The following GIT2 variants were observed in gnomAD, a reference collection of about 807,000 sequenced individuals.
The protein encoded by GIT2 is GIT ArfGAP 2, also known as ARF GTPase-activating protein GIT2.
A neutral mutation model predicts 100.3 loss-of-function variants in GIT2; 32 were observed. The ratio of observed to expected loss-of-function variants is 0.32; its 90% confidence interval spans 0.24 to 0.43. The LOEUF (loss-of-function observed/expected upper bound fraction) is 0.43, where lower values mean the gene tolerates loss of function less well. Among genes scored for constraint, GIT2 ranks in the 20% least tolerant of loss-of-function variants. The pLI is 1.00. For synonymous variants in GIT2, 353 were observed against 364.1 expected, an observed-to-expected ratio of 0.97 and a Z score of 0.35; for missense variants, 737 against 975.1, an observed-to-expected ratio of 0.76 and a Z score of 3.25.
At position 109,932,991 on chromosome 12, in the gene GIT2, T is replaced by C. The variant is rs1290466215; in HGVS notation, c.2267A>G (p.Glu756Gly). 6.2e-7 allele frequency: 1 copy of C among 1,606,276 alleles called. No homozygotes were observed. Among genetic ancestry groups the C allele is most frequent in the Non-Finnish European group, 8.5e-7 (1 of 1,173,270 alleles). Reference protein sequence around the residue: ...AKQLVTITTKENNN With the variant: ...AKQLVTITTKGNNN ...GCCCTGCCCTTGTCAGTTGTTGTTCTCTTTGGTGGTGATGGTAACCAGCTG... is the reference window on the plus strand; with the variant it reads ...GCCCTGCCCTTGTCAGTTGTTGTTCCCTTTGGTGGTGATGGTAACCAGCTG... The change falls in exon 20 of 20, where the codon GAG (glutamate) becomes GGG (glycine). Residue 756 changes from glutamate to glycine, a missense_variant. Around this residue, in one of 3 missense-constraint regions of GIT2, gnomAD observed 451 missense variants for 543.7 expected, o/e 0.83. Transcript: ENST00000355312.
chr12:109,932,840 A>G lies in GIT2; in HGVS notation c.*138T>C, dbSNP rs974942059. Reference sequence around the variant, plus strand: ...AATTGGTTAGAAAACATGCAAAAATAATACTGAGTTTTCTTTTAAAAAGTT... The same window carrying G: ...AATTGGTTAGAAAACATGCAAAAATGATACTGAGTTTTCTTTTAAAAAGTT... On this transcript the variant is annotated 3_prime_UTR_variant, in exon 20 of 20. Coordinates refer to ENST00000355312, the MANE Select transcript of GIT2 (RefSeq NM_057169.5). The G allele has an allele frequency of 1.6e-6, 1 of 619,860 alleles. No individual in the cohort carries two copies. The highest frequency in any genetic ancestry group is 1.8e-5 in the African/African-American group (1 of 54,452). 38.4% of individuals were successfully genotyped at this position (619,860 alleles called of 1,614,324 possible).
chr12:109,965,994 G>GT (rs752096162), intron 8 of GIT2, among the ~76,000 whole-genome samples: 3,186 of 122,386 alleles, frequency 0.026, 62 homozygotes, highest in Middle Eastern at 0.045. Flanking sequence ...GGTCAGGGTT[G>GT]TTTTTTTTTT....
intron 2 of GIT2, among the ~76,000 whole-genome samples, chr12:109,990,242 A>G (rs1295956940): frequency 6.6e-6 from 1 of 152,212 alleles, no homozygotes; most frequent in Non-Finnish European, 1.5e-5. Context: ...TAATGTAACC[A>G]TTAAAAAAAA....
Position 109,961,674 on chromosome 12 carries a change from A to G in GIT2, c.828T>C (p.His276=). 1.3e-6 allele frequency: 2 copies of G among 1,587,552 alleles called. No homozygotes were observed. The highest frequency in any genetic ancestry group is 4.5e-5 in the East Asian group (2 of 44,778). The part of the protein sequence containing the change: ...AKKKLQSLSN[H]LFEELAMDVY... ...CATCCATGGCAAGTTCTTCAAACAA[A>G]TGATTACTTAGCTGAAAATAAAAAA... The change falls in exon 10 of 20, where the codon CAT becomes CAC. Residue 276 remains histidine, a synonymous_variant. Transcript: ENST00000355312.
intron 1 of GIT2, among the ~76,000 whole-genome samples, chr12:109,993,792 C>T (rs1566028983): frequency 1.3e-5 from 2 of 151,374 alleles, no homozygotes; most frequent in African/African-American, 4.9e-5. Context: ...TACTACTGTA[C>T]TGAAAATCTC....
At chr12:109,980,867 G>A in intron 7 of GIT2, 85 bp downstream of exon 7, 1 of 803,656 alleles carries the variant, frequency 1.2e-6, no homozygotes, top group Non-Finnish European at 2.3e-6. Context: ...TACAGCAGAG[G>A]AGGTAATAAC....
chr12:109,983,354 G>A lies in GIT2; in HGVS notation c.623+19C>T, dbSNP rs933146576. On this transcript the variant is annotated intron_variant, in intron 6 of 19. Coordinates refer to ENST00000355312, the MANE Select transcript of GIT2 (RefSeq NM_057169.5). ...CAAAAAAATCCCAGAGAGAAGTAGC[G>A]AGAATCTAGGTCTCTTACCTTGCAT... is the stretch of plus-strand genomic sequence containing the variant. The A allele has an allele frequency of 3.1e-6, 5 of 1,606,666 alleles. No individual in the cohort carries two copies. In the African/African-American group the frequency reaches 4.0e-5, roughly 13 times the overall value.
intron 7 of GIT2, 58 bp from the exon 8 acceptor site, chr12:109,967,561 G>A: frequency 2.7e-6 from 3 of 1,101,652 alleles, no homozygotes; most frequent in Non-Finnish European, 4.2e-6. Context: ...GATCTGTAAA[G>A]GAACATCACC....
chr12:109,974,103 T>C (rs765746809), intron 7 of GIT2, among the ~76,000 whole-genome samples: 2 of 152,202 alleles, frequency 1.3e-5, no homozygotes, highest in Non-Finnish European at 2.9e-5. Context: ...AATTTAATAC[T>C]ATAAAGTTTC....
At chr12:109,990,518 A>G (rs1421441390) in intron 2 of GIT2, among the ~76,000 whole-genome samples, 1 of 152,252 alleles carries the variant, frequency 6.6e-6, no homozygotes, top group East Asian at 1.9e-4. Flanking sequence ...CTCCTAAAAC[A>G]GCCCCATCTG....
chr12:109,941,322 C>A (rs1294348692), intron 16 of GIT2, among the ~76,000 whole-genome samples: 2 of 152,152 alleles, frequency 1.3e-5, no homozygotes, highest in Non-Finnish European at 2.9e-5. Context: ...TTGTTTATAT[C>A]TCCTATCAAT....
At chr12:109,945,377 G>A in intron 15 of GIT2, 28 bp from the exon 16 acceptor site, 1 of 1,167,118 alleles carries the variant, frequency 8.6e-7, no homozygotes, top group Non-Finnish European at 1.3e-6. Context: ...AACACACTCG[G>A]GAAAATACAA....
At chr12:109,981,272 A>C in intron 6 of GIT2, 1 of 428,724 alleles carries the variant, frequency 2.3e-6, no homozygotes. Context: ...AGGCCAAAAT[A>C]GAATATTTAA....
chr12:109,952,444 T>C, intron 13 of GIT2: 1 of 515,328 alleles, frequency 1.9e-6, no homozygotes, highest in Admixed American at 2.0e-5. Flanking sequence ...AGAAGAGTCC[T>C]CCCCAGACAT....
At chr12:109,945,408 C>T (rs1282315862) in intron 15 of GIT2, 59 bp from the exon 16 acceptor site, 1 of 825,374 alleles carries the variant, frequency 1.2e-6, no homozygotes, top group East Asian at 2.6e-5. Context: ...AAACCTACCA[C>T]CTTGCCAGCT....
Position 109,965,487 on chromosome 12 carries a change from T to C in GIT2, c.816+39A>G, listed in dbSNP as rs773444116. The C allele has an allele frequency of 3.2e-6, 4 of 1,246,684 alleles. No homozygotes were observed. In the Admixed American group the frequency reaches 5.7e-5, roughly 18 times the overall value. The allele number at this position is 1,246,684 out of a possible 1,614,324, so 77.2% of individuals were successfully genotyped here. On this transcript the variant is annotated intron_variant, in intron 9 of 19. Transcript: ENST00000355312. ...AGTAGGTATCAGCAGGGTGCACTGA[T>C]TCTCATACTAGAGAAAACCAGTACA...
rs144954345 is a variant in GIT2, at chr12:109,987,738, G to C, written c.405+1225C>G. Among the ~76,000 whole-genome samples the C allele has an allele frequency of 1.0e-3, 156 of 152,254 alleles. 1 individual carries two copies. The highest frequency in any genetic ancestry group is 3.7e-3 in the African/African-American group (154 of 41,542). ...CAGTCTCAGTCTCCCAAAGTGCTGG[G>C]ATTACAGGAGTGAGCCATCGCACCC... On this transcript the variant is annotated intron_variant, in intron 4 of 19. Coordinates refer to ENST00000355312, the MANE Select transcript of GIT2 (RefSeq NM_057169.5).
chr12:109,970,617 ATAC>A (rs1303256480), intron 7 of GIT2, among the ~76,000 whole-genome samples: 1 of 151,958 alleles, frequency 6.6e-6, no homozygotes, highest in East Asian at 1.9e-4. Context: ...TGGATTCTCT[ATAC>A]TGTTTCAATG....
chr12:109,967,027 A>T (rs948000343), intron 8 of GIT2, among the ~76,000 whole-genome samples: 2 of 152,248 alleles, frequency 1.3e-5, no homozygotes, highest in Non-Finnish European at 2.9e-5. Flanking sequence ...TAGAGTGTCC[A>T]CAGATGCTTT....
Sources: allele counts gnomAD v4.1 joint callset (sites outside exome capture counted in the v4.1 genomes callset), GRCh38; gene constraint gnomAD v4.1.1; regional missense constraint gnomAD v4.1.1; transcripts MANE v1.5; gene names NCBI Gene and HGNC (gene_info 2026-07-23, HGNC 2026-07-21).